VRK2: variants seen among roughly 807,000 people sequenced by gnomAD.
VRK2 encodes the protein serine/threonine-protein kinase VRK2.
In VRK2, 60 loss-of-function variants were observed where a neutral mutation model predicts 57.6. The observed-to-expected ratio is 1.04, with a 90% CI of 0.85 to 1.29. The LOEUF is 1.29. Ranked by LOEUF, VRK2 falls within the 50% of genes most tolerant of loss-of-function variation. The pLI is 0.00. For synonymous variants in VRK2, 231 were observed against 199.2 expected (o/e 1.16, Z -1.35); for missense variants, 705 against 588.1 (o/e 1.20, Z -2.06).
intron 8 of VRK2, among the ~76,000 whole-genome samples, chr2:58,131,406 C>T (rs141433719): frequency 2.1e-4 from 32 of 151,578 alleles, no homozygotes; most frequent in African/African-American, 7.5e-4. Flanking sequence ...CAATGCAGAC[C>T]CTATGGACTT....
At chr2:58,004,368 C>T (rs59983111) in intron 1 of VRK2, among the ~76,000 whole-genome samples, 3,903 of 152,224 alleles carry the variant, frequency 0.026, 162 homozygotes, top group African/African-American at 0.089. Flanking sequence ...GGTTCAGTGA[C>T]TAAGTCTATT....
intron 1 of VRK2, among the ~76,000 whole-genome samples, chr2:57,953,450 C>T (rs774155743): frequency 6.6e-6 from 1 of 151,868 alleles, no homozygotes; most frequent in Non-Finnish European, 1.5e-5. Flanking sequence ...CTAGGTAGTT[C>T]CAGTAATTAA....
At chr2:58,104,966 A>T (rs1316706642) in intron 7 of VRK2, among the ~76,000 whole-genome samples, 2 of 151,832 alleles carry the variant, frequency 1.3e-5, no homozygotes, top group Admixed American at 6.6e-5. Context: ...GGGAAAGGAC[A>T]CCCTGTTCAA....
chr2:58,076,764 A>G (rs1016000021), intron 2 of VRK2, among the ~76,000 whole-genome samples: 9 of 151,870 alleles, frequency 5.9e-5, no homozygotes, highest in South Asian at 4.1e-4. Context: ...TACTCGCACA[A>G]TTTTGTAAGA....
Position 57,985,879 on chromosome 2 carries a change from G to A in VRK2, c.-438-39786G>A, listed in dbSNP as rs117054831. Among the ~76,000 whole-genome samples, 247 of 152,072 alleles carry A rather than the reference G, an allele frequency of 1.6e-3. 5 individuals carry two copies. The East Asian group carries it at 0.036, about 22-fold the overall frequency. ...ATGCAAAGTCAATATGAAAAAAACC[G>A]TATCTTATATATAGTAACAATGAAC... On this transcript the variant is annotated intron_variant, in intron 1 of 15. Coordinates refer to the VRK2 transcript ENST00000417641.
intron 1 of VRK2, among the ~76,000 whole-genome samples, chr2:58,017,397 T>G (rs1473602059): frequency 6.6e-6 from 1 of 152,206 alleles, no homozygotes; most frequent in Non-Finnish European, 1.5e-5. Flanking sequence ...TTCTGCTCTC[T>G]TATTCCACAG....
intron 3 of VRK2, among the ~76,000 whole-genome samples, chr2:58,039,535 T>C (rs1432449806): frequency 6.6e-6 from 1 of 152,148 alleles, no homozygotes; most frequent in Non-Finnish European, 1.5e-5. Context: ...CCTGGCTTCC[T>C]GAGATCACTC....
chr2:58,093,892 GT>G (rs2104277047), intron 7 of VRK2, among the ~76,000 whole-genome samples: 1 of 152,308 alleles, frequency 6.6e-6, no homozygotes, highest in South Asian at 2.1e-4. Context: ...TGGCTAGCCA[GT>G]TTTCCCAGCA....
At chr2:58,077,255 C>T (rs1670242920) in intron 2 of VRK2, among the ~76,000 whole-genome samples, 2 of 151,938 alleles carry the variant, frequency 1.3e-5, no homozygotes, top group African/African-American at 4.8e-5. Flanking sequence ...ATACAAAGGA[C>T]AAACATTGTG....
intron 1 of VRK2, among the ~76,000 whole-genome samples, chr2:58,010,184 C>T (rs1052241379): frequency 6.6e-6 from 1 of 152,068 alleles, no homozygotes. Flanking sequence ...GGTTCAAATC[C>T]CATCTTCACA....
chr2:57,968,224 A>T (rs1311920720), intron 1 of VRK2, among the ~76,000 whole-genome samples: 1 of 152,066 alleles, frequency 6.6e-6, no homozygotes, highest in African/African-American at 2.4e-5. Context: ...CTGAAGAAAA[A>T]GATAAAGTAA....
intron 1 of VRK2, among the ~76,000 whole-genome samples, chr2:57,961,545 A>G (rs552796470): frequency 6.6e-6 from 1 of 151,874 alleles, no homozygotes; most frequent in East Asian, 1.9e-4. Context: ...ACTAACCACC[A>G]TGCTATACTG....
intron 2 of VRK2, among the ~76,000 whole-genome samples, chr2:58,079,945 T>A (rs1670628252): frequency 6.6e-6 from 1 of 151,960 alleles, no homozygotes; most frequent in African/African-American, 2.4e-5. Context: ...GCTCACTAAT[T>A]TTTTAGTTTT....
chr2:57,944,729 C>G (rs963589409), intron 1 of VRK2, among the ~76,000 whole-genome samples: 8 of 148,304 alleles, frequency 5.4e-5, no homozygotes, highest in African/African-American at 2.0e-4. Flanking sequence ...GAGCGAGACT[C>G]TGTCTCAAAA....
chr2:58,086,563 G>A, intron 5 of VRK2, 137 bp downstream of exon 5: 1 of 656,056 alleles, frequency 1.5e-6, no homozygotes, highest in East Asian at 3.2e-5. Flanking sequence ...TAGTTTCTGT[G>A]AGTGAGGAGA....
chr2:57,929,312 A>G (rs1670643373), intron 1 of VRK2, among the ~76,000 whole-genome samples: 1 of 152,030 alleles, frequency 6.6e-6, no homozygotes, highest in Non-Finnish European at 1.5e-5. Flanking sequence ...TCCATAAGCA[A>G]AGCAGCATCT....
At chr2:57,957,628 C>CTATATA (rs72419717) in intron 1 of VRK2, among the ~76,000 whole-genome samples, 24 of 145,016 alleles carry the variant, frequency 1.7e-4, no homozygotes, top group East Asian at 9.9e-4. Flanking sequence ...ATATATATTT[C>CTATATA]TATATATATA....
intron 11 of VRK2, among the ~76,000 whole-genome samples, chr2:58,145,244 G>A (rs1020866954): frequency 3.3e-5 from 5 of 151,948 alleles, no homozygotes; most frequent in Admixed American, 6.6e-5. Flanking sequence ...ATATCATCAT[G>A]GTGTGAAAAA....
intron 12 of VRK2, among the ~76,000 whole-genome samples, chr2:58,158,093 T>C (rs1259460280): frequency 6.6e-6 from 1 of 152,208 alleles, no homozygotes; most frequent in Non-Finnish European, 1.5e-5. Context: ...CTGGAAATTA[T>C]AGTAGCTTGA....
Sources: allele counts gnomAD v4.1 joint callset (sites outside exome capture counted in the v4.1 genomes callset), GRCh38; gene constraint gnomAD v4.1.1; transcripts MANE v1.5; gene names NCBI Gene and HGNC (gene_info 2026-07-23, HGNC 2026-07-21).